Variants in EHBP1 observed in about 807,000 individuals in gnomAD.
The protein encoded by EHBP1 is EH domain binding protein 1.
In EHBP1, 55 loss-of-function variants were observed where a neutral mutation model predicts 144.0. That is an observed-to-expected ratio of 0.38 (90% CI 0.31 to 0.48). EHBP1 has a LOEUF of 0.48. EHBP1 is among the 20% of genes least tolerant of loss of function. The probability of loss-of-function intolerance (pLI) is 0.98; values close to 1 mark genes in which losing one functional copy is unlikely to be tolerated. For synonymous variants in EHBP1, 469 were observed against 472.7 expected (o/e 0.99, Z 0.10); for missense variants, 1,200 against 1,364.2 (o/e 0.88, Z 1.90).
At chr2:62,994,754 C>T (rs2059565201) in intron 18 of EHBP1, among the ~76,000 whole-genome samples, 1 of 152,040 alleles carries the variant, frequency 6.6e-6, no homozygotes, top group Admixed American at 6.6e-5. Flanking sequence ...GAGTCACCAA[C>T]TACATTTTAG....
intron 19 of EHBP1, among the ~76,000 whole-genome samples, chr2:63,019,291 G>A (rs1322988082): frequency 2.0e-5 from 3 of 152,204 alleles, no homozygotes; most frequent in South Asian, 2.1e-4. Context: ...TGTTACAAGC[G>A]CTAAGAGAAG....
chr2:62,905,138 C>T (rs755987510), intron 10 of EHBP1, among the ~76,000 whole-genome samples: 3 of 151,986 alleles, frequency 2.0e-5, no homozygotes, highest in Non-Finnish European at 2.9e-5. Flanking sequence ...AAAGAGCTTC[C>T]CTAACAGAAC....
At chr2:62,798,740 C>G (rs980328116) in intron 5 of EHBP1, among the ~76,000 whole-genome samples, 1 of 151,914 alleles carries the variant, frequency 6.6e-6, no homozygotes, top group Admixed American at 6.6e-5. Flanking sequence ...AGCGGTGGCT[C>G]AAGCCTGTAA....
intron 13 of EHBP1, among the ~76,000 whole-genome samples, chr2:62,950,949 T>C (rs1436541691): frequency 6.6e-6 from 1 of 152,210 alleles, no homozygotes; most frequent in African/African-American, 2.4e-5. Context: ...CCTCCCAAAG[T>C]GCTGAGATTA....
Position 62,783,567 on chromosome 2 carries a change from G to A in EHBP1, c.312+12175G>A, listed in dbSNP as rs148649064. ...TGTGCATTCACAGGCCCAACACCACGTAGAAGCTGCCAAGGCTTGGGGCTT... is the reference window on the plus strand; with the variant it reads ...TGTGCATTCACAGGCCCAACACCACATAGAAGCTGCCAAGGCTTGGGGCTT... On this transcript the variant is annotated intron_variant, in intron 5 of 22. Transcript: ENST00000431489. Among the ~76,000 whole-genome samples the A allele has an allele frequency of 9.3e-4, 141 of 152,362 alleles. 2 individuals are homozygous for A. The highest frequency in any genetic ancestry group is 2.9e-3 in the African/African-American group (121 of 41,590).
At chr2:62,966,283 T>C (rs928595244) in intron 14 of EHBP1, among the ~76,000 whole-genome samples, 2 of 152,102 alleles carry the variant, frequency 1.3e-5, no homozygotes, top group African/African-American at 4.8e-5. Context: ...TTAGATTTTT[T>C]CCCCCTATTT....
chr2:62,801,444 A>G (rs941650702), intron 5 of EHBP1, among the ~76,000 whole-genome samples: 2 of 152,254 alleles, frequency 1.3e-5, no homozygotes, highest in African/African-American at 4.8e-5. Context: ...GACTGTTGCT[A>G]AACACTTGAA....
intron 21 of EHBP1, among the ~76,000 whole-genome samples, chr2:63,041,134 A>T (rs1231073620): frequency 6.6e-6 from 1 of 152,206 alleles, no homozygotes; most frequent in Non-Finnish European, 1.5e-5. Flanking sequence ...TGAAAGAAAT[A>T]TTAACAGCTT....
At chr2:62,834,874 T>G (rs2047089989) in intron 7 of EHBP1, among the ~76,000 whole-genome samples, 1 of 152,228 alleles carries the variant, frequency 6.6e-6, no homozygotes, top group Admixed American at 6.5e-5. Flanking sequence ...TGGGACTTGA[T>G]GTATGGATTT....
chr2:62,701,871 G>GAA (rs769253957), upstream of EHBP1, among the ~76,000 whole-genome samples: 2 of 147,980 alleles, frequency 1.4e-5, no homozygotes, highest in Non-Finnish European at 3.0e-5. Flanking sequence ...ATGGTAACTG[G>GAA]AAAAAAAAAA....
At chr2:62,716,193 C>T (rs918937916) in intron 2 of EHBP1, among the ~76,000 whole-genome samples, 2 of 152,098 alleles carry the variant, frequency 1.3e-5, no homozygotes, top group African/African-American at 4.8e-5. Flanking sequence ...CCCCACCACG[C>T]CCCAACCCGG....
intron 10 of EHBP1, among the ~76,000 whole-genome samples, chr2:62,899,841 T>A (rs2053251151): frequency 6.6e-6 from 1 of 152,228 alleles, no homozygotes; most frequent in South Asian, 2.1e-4. Context: ...CTTACATTTA[T>A]AAGATTCTCC....
At chr2:63,011,610 G>T (rs1335349664) in intron 19 of EHBP1, among the ~76,000 whole-genome samples, 1 of 151,830 alleles carries the variant, frequency 6.6e-6, no homozygotes, top group East Asian at 1.9e-4. Context: ...AGTCAAAAAT[G>T]GTTTCTAATG....
intron 19 of EHBP1, among the ~76,000 whole-genome samples, chr2:62,997,317 G>C (rs2059672551): frequency 6.6e-6 from 1 of 151,914 alleles, no homozygotes; most frequent in Non-Finnish European, 1.5e-5. Context: ...TGTAAAGATA[G>C]GTTAGAGCAC....
At chr2:62,989,268 C>T (rs189432332) in intron 15 of EHBP1, among the ~76,000 whole-genome samples, 7 of 152,018 alleles carry the variant, frequency 4.6e-5, no homozygotes, top group African/African-American at 7.2e-5. Flanking sequence ...AAGGCTTTAT[C>T]GGAAACCAAT....
intron 3 of EHBP1, among the ~76,000 whole-genome samples, chr2:62,756,143 G>A (rs955980186): frequency 2.0e-5 from 3 of 151,088 alleles, no homozygotes; most frequent in African/African-American, 7.3e-5. Context: ...TATATTTGAT[G>A]TTTGATATTC....
chr2:62,709,384 G>C (rs2034912254), intron 2 of EHBP1, among the ~76,000 whole-genome samples: 1 of 152,128 alleles, frequency 6.6e-6, no homozygotes, highest in Non-Finnish European at 1.5e-5. Flanking sequence ...TCTTAACTTG[G>C]CAGTATACTG....
chr2:62,808,406 AC>A (rs1163610232), intron 5 of EHBP1, among the ~76,000 whole-genome samples: 1 of 151,922 alleles, frequency 6.6e-6, no homozygotes, highest in East Asian at 1.9e-4. Context: ...TGTCTAGACT[AC>A]TAATAAGCCC....
At chr2:63,028,399 T>A (rs571148498) in intron 19 of EHBP1, among the ~76,000 whole-genome samples, 30 of 152,224 alleles carry the variant, frequency 2.0e-4, no homozygotes, top group African/African-American at 6.7e-4. Context: ...CTGGAGGCTC[T>A]GGAGACACCC....
Sources: allele counts gnomAD v4.1 joint callset (sites outside exome capture counted in the v4.1 genomes callset), GRCh38; gene constraint gnomAD v4.1.1; transcripts MANE v1.5; gene names NCBI Gene and HGNC (gene_info 2026-07-23, HGNC 2026-07-21).